CACNA1E: variants seen among roughly 807,000 people sequenced by gnomAD.
The protein encoded by CACNA1E is calcium voltage-gated channel subunit alpha1 E.
CACNA1E carries 40 observed loss-of-function variants against 259.2 expected under a neutral mutation model. The observed-to-expected ratio is 0.15, with a 90% confidence interval of 0.12 to 0.20. CACNA1E has a LOEUF of 0.20. Ranked by LOEUF, CACNA1E falls within the 10% of genes least tolerant of loss-of-function variation. The probability of loss-of-function intolerance (pLI) is 1.00; values close to 1 mark genes in which losing one functional copy is unlikely to be tolerated. For synonymous variants in CACNA1E, 1,104 were observed against 1,138.5 expected, an observed-to-expected ratio of 0.97 and a Z score of 0.61; for missense variants, 1,874 against 3,040.1, an observed-to-expected ratio of 0.62 and a Z score of 9.02.
intron 1 of CACNA1E, among the ~76,000 whole-genome samples, chr1:181,487,003 T>G (rs905476323): frequency 4.0e-5 from 6 of 151,332 alleles, no homozygotes; most frequent in African/African-American, 1.5e-4. Flanking sequence ...AAGTACTTCT[T>G]TGCTCTTTGT....
intron 41 of CACNA1E, 138 bp from the exon 42 acceptor site, chr1:181,785,180 G>A (rs866876409): frequency 1.5e-6 from 1 of 652,638 alleles, no homozygotes; most frequent in South Asian, 1.8e-5. Context: ...CACCATGGGG[G>A]CCCTCAATAT....
At chr1:181,375,143 G>C (rs1245156348) in intron 1 of CACNA1E, among the ~76,000 whole-genome samples, 1 of 152,134 alleles carries the variant, frequency 6.6e-6, no homozygotes, top group Non-Finnish European at 1.5e-5. Flanking sequence ...TTAGTCACAG[G>C]TGTCACATTT....
intron 2 of CACNA1E, among the ~76,000 whole-genome samples, chr1:181,435,031 A>T (rs79813005): frequency 6.6e-6 from 1 of 152,258 alleles, no homozygotes; most frequent in Admixed American, 6.5e-5. Context: ...ACCCATTGTA[A>T]GTGAAAAATA....
At chr1:181,523,462 G>T (rs190248390) in intron 3 of CACNA1E, among the ~76,000 whole-genome samples, 1 of 152,302 alleles carries the variant, frequency 6.6e-6, no homozygotes, top group Non-Finnish European at 1.5e-5. Context: ...ATATAGCATA[G>T]TGATTAAGAA....
intron 6 of CACNA1E, among the ~76,000 whole-genome samples, chr1:181,602,329 T>C (rs926937766): frequency 3.3e-5 from 5 of 152,206 alleles, no homozygotes; most frequent in African/African-American, 4.8e-5. Context: ...TTGGAAATGC[T>C]TGGGACAAGA....
At chr1:181,426,203 TC>T (rs1659183212) in intron 2 of CACNA1E, among the ~76,000 whole-genome samples, 1 of 151,306 alleles carries the variant, frequency 6.6e-6, no homozygotes, top group African/African-American at 2.4e-5. Context: ...TCTCAACAAT[TC>T]CCCAACCCAG....
chr1:181,428,692 T>G (rs1659487158), intron 2 of CACNA1E, among the ~76,000 whole-genome samples: 1 of 152,114 alleles, frequency 6.6e-6, no homozygotes, highest in Non-Finnish European at 1.5e-5. Flanking sequence ...GTGTTGGGTG[T>G]AGTTGTCTCA....
At chr1:181,386,170 T>TATAAATCAGTGAACAA (rs1655831994) in intron 1 of CACNA1E, among the ~76,000 whole-genome samples, 2 of 152,180 alleles carry the variant, frequency 1.3e-5, no homozygotes, top group African/African-American at 4.8e-5. Flanking sequence ...ATAGTGGGGC[T>TATAAATCAGTGAACAA]CTGATGGTCT....
intron 1 of CACNA1E, among the ~76,000 whole-genome samples, chr1:181,403,568 A>G (rs1191397660): frequency 6.6e-6 from 1 of 152,142 alleles, no homozygotes; most frequent in African/African-American, 2.4e-5. Flanking sequence ...GTGTCCATTT[A>G]TAGAGGATGA....
At chr1:181,731,299 C>T (rs2102541983) in intron 19 of CACNA1E, 68 bp downstream of exon 19, 1 of 1,283,126 alleles carries the variant, frequency 7.8e-7, no homozygotes, top group Non-Finnish European at 1.1e-6. Flanking sequence ...TGTCATTGTC[C>T]TTGCCATAGA....
At chr1:181,533,213 G>T (rs1354116363) in intron 3 of CACNA1E, among the ~76,000 whole-genome samples, 4 of 151,006 alleles carry the variant, frequency 2.6e-5, no homozygotes, top group Non-Finnish European at 1.5e-5. Context: ...ATCATTTGGG[G>T]TTTTTTTAGT....
intron 1 of CACNA1E, among the ~76,000 whole-genome samples, chr1:181,345,313 G>A (rs1011518402): frequency 5.3e-5 from 8 of 152,244 alleles, no homozygotes; most frequent in African/African-American, 1.9e-4. Flanking sequence ...AGACCCTGGG[G>A]TGAGATGATC....
intron 6 of CACNA1E, among the ~76,000 whole-genome samples, chr1:181,587,666 T>G (rs1013050015): frequency 4.0e-5 from 6 of 151,852 alleles, no homozygotes; most frequent in Non-Finnish European, 8.8e-5. Flanking sequence ...GGCGGATCAC[T>G]AGGTCAGGAG....
chr1:181,368,280 C>CTG (rs1011971961), intron 1 of CACNA1E, among the ~76,000 whole-genome samples: 1 of 148,126 alleles, frequency 6.8e-6, no homozygotes, highest in African/African-American at 2.5e-5. Flanking sequence ...GAAAGAGACT[C>CTG]TGTCTAAAAA....
At chr1:181,480,335 C>T (rs546783892), upstream of CACNA1E, among the ~76,000 whole-genome samples, 3 of 152,302 alleles carry the variant, frequency 2.0e-5, no homozygotes, top group Admixed American at 2.0e-4. Context: ...TGCCCCTTTC[C>T]TTTTTGGCTG....
At chr1:181,578,823 A>G (rs1572266851) in intron 4 of CACNA1E, among the ~76,000 whole-genome samples, 1 of 152,226 alleles carries the variant, frequency 6.6e-6, no homozygotes, top group South Asian at 2.1e-4. Flanking sequence ...TGCTTCCCCA[A>G]CAGAGACTGA....
intron 3 of CACNA1E, among the ~76,000 whole-genome samples, chr1:181,574,588 T>A (rs1650758111): frequency 6.6e-6 from 1 of 152,198 alleles, no homozygotes; most frequent in Non-Finnish European, 1.5e-5. Context: ...AAATGGTGCC[T>A]CCATTAGAAG....
intron 1 of CACNA1E, among the ~76,000 whole-genome samples, chr1:181,389,125 A>G (rs1656065066): frequency 2.0e-5 from 3 of 151,760 alleles, no homozygotes; most frequent in South Asian, 4.2e-4. Context: ...CTCTCAGCCA[A>G]TAGCCCTGTA....
At chr1:181,734,187 T>C (rs916504873) in intron 21 of CACNA1E, among the ~76,000 whole-genome samples, 5 of 152,126 alleles carry the variant, frequency 3.3e-5, no homozygotes, top group Admixed American at 3.3e-4. Context: ...AGGCCTCAGT[T>C]TGTCATCTGT....
Sources: gnomAD v4.1 joint callset for allele counts (sites outside exome capture counted in the v4.1 genomes callset) on GRCh38, gnomAD v4.1.1 for gene constraint, MANE v1.5 for transcripts, NCBI Gene and HGNC (gene_info 2026-07-23, HGNC 2026-07-21) for gene names.